MTMR10: variants seen among roughly 807,000 people sequenced by gnomAD.
MTMR10 encodes myotubularin-related protein 10.
Under a neutral mutation model 88.1 loss-of-function variants are expected in MTMR10, and 56 were observed. The ratio of observed to expected loss-of-function variants is 0.64; its 90% CI spans 0.51 to 0.79. MTMR10 has a LOEUF of 0.79. Ranked by LOEUF, MTMR10 falls within the 30% of genes least tolerant of loss-of-function variation. The pLI is 0.00. For synonymous variants in MTMR10, 380 were observed against 340.9 expected, an observed-to-expected ratio of 1.11 and a Z score of -1.26; for missense variants, 883 against 924.7, an observed-to-expected ratio of 0.95 and a Z score of 0.58.
Position 30,959,139 on chromosome 15 carries a change from AAT to A in MTMR10, c.759-20_759-19del. On this transcript the variant is annotated intron_variant, in intron 7 of 15. Coordinates refer to ENST00000435680, the MANE Select transcript of MTMR10 (RefSeq NM_017762.3). ...CTGGAAGGCTGGAGGGGAAAAAAAAAATTATATGAGTGCTGTGCTAAAAGCAG... is the reference window on the plus strand; with the variant it reads ...CTGGAAGGCTGGAGGGGAAAAAAAAATATATGAGTGCTGTGCTAAAAGCAG... 6.4e-7 allele frequency: 1 copy of A among 1,559,950 alleles called. No individual in the cohort carries two copies. Among genetic ancestry groups the A allele is most frequent in the African/African-American group, 1.4e-5 (1 of 73,590 alleles).
At position 30,940,365 on chromosome 15, in the gene MTMR10, C is replaced by T. The variant is rs771525213; in HGVS notation, c.*1105G>A. 5.2e-5 allele frequency: 51 copies of T among 985,298 alleles called. No homozygotes were observed. In the Admixed American group the frequency reaches 5.5e-4, roughly 11 times the overall value. The allele number at this position is 985,298 out of a possible 1,614,324, so 61.0% of individuals were successfully genotyped here. A position where few individuals can be genotyped will look rare whatever the true frequency, so the allele number is the denominator to read the frequency against. On this transcript the variant is annotated 3_prime_UTR_variant, in exon 16 of 16. Transcript: ENST00000435680. ...TGTCCAAAGTTGGGGGCTGGGGGAG[C>T]ACTTCTGTCGCTATTCAAATGGCAG...
At chr15:30,946,644 T>G (rs1212957831) in intron 14 of MTMR10, 2 of 678,204 alleles carry the variant, frequency 2.9e-6, no homozygotes, top group East Asian at 5.4e-5. Flanking sequence ...AAATGGCACT[T>G]TGGTTCAGAA....
At chr15:30,936,777 A>G (rs1161571305), downstream of MTMR10, among the ~76,000 whole-genome samples, 1 of 152,228 alleles carries the variant, frequency 6.6e-6, no homozygotes, top group Non-Finnish European at 1.5e-5. Context: ...CATGTAGTTC[A>G]CTGCAAACCG....
chr15:30,959,654 CAT>C (rs1220304091), intron 7 of MTMR10, among the ~76,000 whole-genome samples: 3 of 152,218 alleles, frequency 2.0e-5, no homozygotes, highest in Non-Finnish European at 2.9e-5. Context: ...AGCCCCATCA[CAT>C]GTTTCTCAGC....
chr15:30,972,692 C>A (rs1209728723), intron 5 of MTMR10, among the ~76,000 whole-genome samples: 1 of 152,144 alleles, frequency 6.6e-6, no homozygotes, highest in African/African-American at 2.4e-5. Context: ...GCTTTATCTT[C>A]TTCACTAGAT....
At chr15:30,989,361 T>C (rs2031158413) in intron 2 of MTMR10, among the ~76,000 whole-genome samples, 1 of 152,184 alleles carries the variant, frequency 6.6e-6, no homozygotes, top group Non-Finnish European at 1.5e-5. Context: ...AAAATATTTA[T>C]GACTCCCATA....
downstream of MTMR10, chr15:30,938,915 T>C: frequency 1.0e-6 from 1 of 985,244 alleles, no homozygotes; most frequent in Non-Finnish European, 1.2e-6. Context: ...TGTGTTCCAG[T>C]AGATGATTTC....
chr15:30,925,661 C>A, the MTMR10 span: 6 of 1,059,506 alleles, frequency 5.7e-6, no homozygotes, highest in Non-Finnish European at 8.4e-6. Flanking sequence ...GTGTGAGCCC[C>A]ACGCTGTGTG....
intron 12 of MTMR10, 98 bp downstream of exon 12, chr15:30,951,870 T>C (rs1206037889): frequency 6.8e-6 from 7 of 1,023,604 alleles, no homozygotes; most frequent in Non-Finnish European, 1.1e-5. Flanking sequence ...AAATAAGAAA[T>C]AGCTAAAACT....
At chr15:30,984,972 G>C (rs1474072799) in intron 2 of MTMR10, among the ~76,000 whole-genome samples, 1 of 152,152 alleles carries the variant, frequency 6.6e-6, no homozygotes, top group Non-Finnish European at 1.5e-5. Context: ...CCAGTGAACT[G>C]AAACTGTCTA....
intron 12 of MTMR10, among the ~76,000 whole-genome samples, chr15:30,951,196 C>T (rs2063240658): frequency 6.6e-6 from 1 of 152,228 alleles, no homozygotes; most frequent in Non-Finnish European, 1.5e-5. Flanking sequence ...AAGATTTTTA[C>T]ATCACCGTTT....
chr15:30,924,763 CAT>C, the MTMR10 span, among the ~76,000 whole-genome samples: 12 of 148,890 alleles, frequency 8.1e-5, no homozygotes, highest in Middle Eastern at 6.8e-3. Flanking sequence ...GGGTGGGACA[CAT>C]GTTTTCCTAC....
chr15:30,979,173 T>G (rs1595944340), intron 2 of MTMR10, among the ~76,000 whole-genome samples: 1 of 152,238 alleles, frequency 6.6e-6, no homozygotes, highest in African/African-American at 2.4e-5. Flanking sequence ...CTTAGCAAAC[T>G]CATCTAAAAA....
chr15:30,937,853 A>G (rs1018700914), downstream of MTMR10, among the ~76,000 whole-genome samples: 1 of 151,428 alleles, frequency 6.6e-6, no homozygotes, highest in Admixed American at 6.6e-5. Context: ...GGAAAACTCA[A>G]AAACAAGTGA....
intron 6 of MTMR10, among the ~76,000 whole-genome samples, chr15:30,963,818 C>T (rs2141028898): frequency 6.6e-6 from 1 of 152,242 alleles, no homozygotes; most frequent in Middle Eastern, 3.4e-3. Context: ...CTCCAGAACA[C>T]AAAACCTGCA....
chr15:30,930,116 G>T, the MTMR10 span, among the ~76,000 whole-genome samples: 1 of 149,978 alleles, frequency 6.7e-6, no homozygotes, highest in Non-Finnish European at 1.5e-5. Flanking sequence ...ACATACTAGG[G>T]TGTTAGAAAA....
In MTMR10 at chr15:30,940,019, A is replaced by G. The variant is rs2062985292; in HGVS notation, c.*1451T>C. On this transcript the variant is annotated 3_prime_UTR_variant, in exon 16 of 16. Coordinates refer to ENST00000435680, the MANE Select transcript of MTMR10 (RefSeq NM_017762.3). ...ATAATTCAAAAAGAAACAGCTATTC[A>G]GTACATATAAAGGTAAAATACAGTT... 1.0e-6 allele frequency: 1 copy of G among 975,662 alleles called. No individual in the cohort carries two copies. The highest frequency in any genetic ancestry group is 1.2e-6 in the Non-Finnish European group (1 of 821,186). 60.4% of individuals were successfully genotyped at this position (975,662 alleles called of 1,614,324 possible).
Position 30,974,465 on chromosome 15 carries a change from GAA to G in MTMR10, c.332-11_332-10del. The G allele has an allele frequency of 2.7e-6, 4 of 1,464,772 alleles. No individual in the cohort carries two copies. Among genetic ancestry groups the G allele is most frequent in the Admixed American group, 2.3e-5 (1 of 42,714 alleles). 90.7% of individuals were successfully genotyped at this position (1,464,772 alleles called of 1,614,324 possible). ...CCTCTTGTGGTCGTTTACTAAAAAA[GAA>G]AAAAAAATAGAGAAAATAAAATGCG... On this transcript the variant is annotated splice_polypyrimidine_tract_variant and intron_variant, in intron 4 of 15. Coordinates refer to ENST00000435680, the MANE Select transcript of MTMR10 (RefSeq NM_017762.3).
chr15:30,946,688 C>A, intron 14 of MTMR10: 2 of 700,548 alleles, frequency 2.9e-6, no homozygotes, highest in South Asian at 3.0e-5. Context: ...CCTGCTTAGT[C>A]ATAAATCCTC....
Sources: allele counts gnomAD v4.1 joint callset (sites outside exome capture counted in the v4.1 genomes callset), GRCh38; gene constraint gnomAD v4.1.1; transcripts MANE v1.5; gene names NCBI Gene and HGNC (gene_info 2026-07-23, HGNC 2026-07-21).